ATG14: variants seen among roughly 807,000 people sequenced by gnomAD.
The protein encoded by ATG14 is beclin 1-associated autophagy-related key regulator.
ATG14 carries 35 observed loss-of-function variants against 60.4 expected under a neutral mutation model. The ratio of observed to expected loss-of-function variants is 0.58; its 90% CI spans 0.44 to 0.77. ATG14 has a LOEUF of 0.77. Ranked by LOEUF, ATG14 falls within the 30% of genes least tolerant of loss-of-function variation. The probability of loss-of-function intolerance (pLI) is 0.00; values close to 1 mark genes in which losing one functional copy is unlikely to be tolerated. For missense variants in ATG14, 647 were observed against 626.3 expected (o/e 1.03, Z -0.35); for synonymous variants, 234 against 228.8 (o/e 1.02, Z -0.21).
In ATG14 at chr14:55,411,783, C is replaced by G; in HGVS notation, c.40G>C (p.Ala14Pro). ...PSGKGARALE[A>P]PGCGPRPLAR... ...AGCGGCCGGGGCCCGCAGCCAGGAG[C>G]CTCCAGCGCCCGGGCTCCCTTCCCA... Residue 14 changes from alanine (A) to proline (P), a missense_variant, in exon 1 of 10, where the codon GCT (alanine) becomes CCT (proline). Transcript: ENST00000247178. 1.2e-6 allele frequency: 2 copies of G among 1,602,766 alleles called. No homozygotes were observed. Among genetic ancestry groups the G allele is most frequent in the Non-Finnish European group, 1.7e-6 (2 of 1,175,256 alleles).
chr14:55,385,661 G>A (rs781752883), intron 5 of ATG14, among the ~76,000 whole-genome samples, 198 bp downstream of exon 5: 3 of 152,200 alleles, frequency 2.0e-5, no homozygotes, highest in Non-Finnish European at 2.9e-5. Flanking sequence ...GTACACAAGT[G>A]TGGGCCCCAC....
chr14:55,369,532 T>C lies in ATG14; in HGVS notation c.*87A>G. ...TTTAACCTCTTTGTTCCAGACACTA[T>C]CTTAACTTAAACAGAAAATGTTTAC... On this transcript the variant is annotated 3_prime_UTR_variant, in exon 10 of 10. Transcript: ENST00000247178. 1 of 1,258,510 alleles carries C rather than the reference T, an allele frequency of 7.9e-7. No individual in the cohort carries two copies. Among genetic ancestry groups the C allele is most frequent in the South Asian group, 2.1e-5 (1 of 47,750 alleles). 78.0% of individuals were successfully genotyped at this position (1,258,510 alleles called of 1,614,324 possible). A position where few individuals can be genotyped will look rare whatever the true frequency, so the allele number is the denominator to read the frequency against.
At chr14:55,402,149 A>G (rs1230829094) in intron 1 of ATG14, among the ~76,000 whole-genome samples, 1 of 152,172 alleles carries the variant, frequency 6.6e-6, no homozygotes, top group Non-Finnish European at 1.5e-5. Context: ...AGGAATAACT[A>G]GCCTCACCGT....
chr14:55,373,135 C>T (rs960503211), intron 9 of ATG14, among the ~76,000 whole-genome samples: 4 of 152,112 alleles, frequency 2.6e-5, no homozygotes, highest in Non-Finnish European at 4.4e-5. Context: ...AATAATTCAT[C>T]CTATTTTGCT....
At chr14:55,375,158 T>C (rs1263007815) in intron 9 of ATG14, among the ~76,000 whole-genome samples, 1 of 152,158 alleles carries the variant, frequency 6.6e-6, no homozygotes, top group Non-Finnish European at 1.5e-5. Flanking sequence ...ATAATACATG[T>C]GGAATAAAAA....
chr14:55,403,648 C>A (rs1218188231), intron 1 of ATG14, among the ~76,000 whole-genome samples: 1 of 151,790 alleles, frequency 6.6e-6, no homozygotes, highest in African/African-American at 2.4e-5. Context: ...CATGAAAAGA[C>A]GTTTAGGTAT....
intron 1 of ATG14, among the ~76,000 whole-genome samples, chr14:55,402,317 CACT>C (rs1555342919): frequency 6.6e-6 from 1 of 152,042 alleles, no homozygotes; most frequent in Non-Finnish European, 1.5e-5. Flanking sequence ...GTCTCAGAAA[CACT>C]ACTAATGTAT....
At chr14:55,403,747 T>C (rs1262763315) in intron 1 of ATG14, among the ~76,000 whole-genome samples, 1 of 152,184 alleles carries the variant, frequency 6.6e-6, no homozygotes, top group Non-Finnish European at 1.5e-5. Context: ...GCAGAGAATA[T>C]GCATAGGATA....
intron 9 of ATG14, among the ~76,000 whole-genome samples, chr14:55,371,636 CTACTAAAAA>C (rs370381915): frequency 2.2e-4 from 34 of 152,238 alleles, no homozygotes; most frequent in African/African-American, 7.9e-4. Context: ...AACCCTGTCT[CTACTAAAAA>C]TACAAAAAAT....
intron 1 of ATG14, among the ~76,000 whole-genome samples, chr14:55,401,203 T>A (rs989306209): frequency 6.6e-6 from 1 of 152,052 alleles, no homozygotes; most frequent in Non-Finnish European, 1.5e-5. Context: ...CAACTTTTCA[T>A]ATTTTACTGG....
intron 4 of ATG14, among the ~76,000 whole-genome samples, chr14:55,390,540 A>G (rs911461737): frequency 2.7e-4 from 41 of 151,374 alleles, no homozygotes; most frequent in Non-Finnish European, 4.4e-4. Flanking sequence ...CACCCAGCTA[A>G]GTTTTTGTAT....
chr14:55,382,342 T>G, intron 5 of ATG14, 151 bp from the exon 6 acceptor site: 1 of 650,616 alleles, frequency 1.5e-6, no homozygotes, highest in Non-Finnish European at 2.6e-6. Context: ...GAGATGGGTG[T>G]CACTCTGTTA....
intron 1 of ATG14, among the ~76,000 whole-genome samples, chr14:55,406,964 C>CTT (rs202011572): frequency 2.2e-4 from 31 of 141,478 alleles, no homozygotes; most frequent in African/African-American, 5.9e-4. Flanking sequence ...TTGAGATTGT[C>CTT]TTTTTTTTTT....
intron 3 of ATG14, 148 bp from the exon 4 acceptor site, chr14:55,391,140 A>T: frequency 1.8e-6 from 1 of 570,850 alleles, no homozygotes; most frequent in Non-Finnish European, 3.0e-6. Context: ...ACTATGGAAC[A>T]TTACGAAAAA....
intron 2 of ATG14, 58 bp from the exon 3 acceptor site, chr14:55,396,040 C>A: frequency 7.4e-7 from 1 of 1,351,178 alleles, no homozygotes; most frequent in Non-Finnish European, 1.0e-6. Context: ...CTGTGAAGTT[C>A]AAAAATGTAA....
Position 55,369,389 on chromosome 14 carries a change from A to C in ATG14, c.*230T>G. The C allele has an allele frequency of 2.7e-6, 1 of 369,930 alleles. No individual in the cohort carries two copies. Among genetic ancestry groups the C allele is most frequent in the Non-Finnish European group, 4.8e-6 (1 of 208,728 alleles). The allele number at this position is 369,930 out of a possible 1,614,324, so 22.9% of individuals were successfully genotyped here. A position where few individuals can be genotyped will look rare whatever the true frequency, so the allele number is the denominator to read the frequency against. ...TCCTTCCACCAGCACTGGTCTGGGT[A>C]GAAAGACCTTCGACCCCTGTTCTCT... is the stretch of plus-strand genomic sequence containing the variant. On this transcript the variant is annotated 3_prime_UTR_variant, in exon 10 of 10. Transcript: ENST00000247178.
intron 7 of ATG14, 149 bp downstream of exon 7, chr14:55,380,421 GGCT>G (rs1256856281): frequency 8.8e-6 from 5 of 570,192 alleles, no homozygotes; most frequent in Non-Finnish European, 1.2e-5. Context: ...CTGCACATAA[GGCT>G]TTTGAAATTA....
At chr14:55,377,491 G>A (rs376736201) in intron 9 of ATG14, among the ~76,000 whole-genome samples, 3 of 152,146 alleles carry the variant, frequency 2.0e-5, no homozygotes, top group Middle Eastern at 3.2e-3. Context: ...AGGAAGGGCT[G>A]GAGAAGAAAT....
At chr14:55,384,324 T>G (rs1488796409) in intron 5 of ATG14, among the ~76,000 whole-genome samples, 1 of 152,256 alleles carries the variant, frequency 6.6e-6, no homozygotes. Context: ...TTTCCCTGTA[T>G]ACACTTCACT....
Sources: gnomAD v4.1 joint callset for allele counts (sites outside exome capture counted in the v4.1 genomes callset) on GRCh38, gnomAD v4.1.1 for gene constraint, MANE v1.5 for transcripts, NCBI Gene and HGNC (gene_info 2026-07-23, HGNC 2026-07-21) for gene names.